The following GNAI1 variants were observed in gnomAD, a reference collection of about 807,000 sequenced individuals.
The protein encoded by GNAI1 is guanine nucleotide-binding protein G(i) subunit alpha-1.
In GNAI1, 11 loss-of-function variants were observed where a neutral mutation model predicts 38.9. The observed-to-expected ratio is 0.28, with a 90% CI of 0.18 to 0.47. The LOEUF (loss-of-function observed/expected upper bound fraction) is 0.47. Ranked by LOEUF, GNAI1 falls within the 20% of genes least tolerant of loss-of-function variation. The probability of loss-of-function intolerance (pLI) is 0.99; values close to 1 mark genes in which losing one functional copy is unlikely to be tolerated. For missense variants in GNAI1, 317 were observed against 436.9 expected (o/e 0.73, Z 2.45); for synonymous variants, 166 against 145.1 (o/e 1.14, Z -1.04).
intron 1 of GNAI1, among the ~76,000 whole-genome samples, chr7:80,149,497 T>C (rs1283520250): frequency 1.3e-5 from 2 of 152,134 alleles, no homozygotes; most frequent in Non-Finnish European, 2.9e-5. Flanking sequence ...CTCATGAGCA[T>C]TGAGTGTTCT....
chr7:80,200,526 G>A (rs1348366967), intron 4 of GNAI1, among the ~76,000 whole-genome samples: 1 of 151,962 alleles, frequency 6.6e-6, no homozygotes, highest in Non-Finnish European at 1.5e-5. Flanking sequence ...ACAGCTGTTG[G>A]CTGTTAGGGA....
At chr7:80,174,270 C>G (rs779737619) in intron 1 of GNAI1, among the ~76,000 whole-genome samples, 1 of 152,018 alleles carries the variant, frequency 6.6e-6, no homozygotes, top group Non-Finnish European at 1.5e-5. Flanking sequence ...AGTATAAACA[C>G]TTTTTTCACT....
At chr7:80,157,812 T>C (rs2714456) in intron 1 of GNAI1, among the ~76,000 whole-genome samples, 9,387 of 152,200 alleles carry the variant, frequency 0.062, 389 homozygotes, top group Non-Finnish European at 0.088. Context: ...ATTCAAACAA[T>C]TCTCCTGCCT....
intron 1 of GNAI1, 57 bp downstream of exon 1, chr7:80,135,335 G>A: frequency 9.7e-7 from 1 of 1,031,936 alleles, no homozygotes; most frequent in Non-Finnish European, 1.3e-6. Flanking sequence ...GCGGCGCTGC[G>A]CGGCCCTCGG....
At position 80,196,740 on chromosome 7, in the gene GNAI1, C is replaced by G. The variant is rs75284893; in HGVS notation, c.304-2485C>G. On this transcript the variant is annotated intron_variant, in intron 3 of 7. Coordinates refer to ENST00000649796, the MANE Select transcript of GNAI1 (RefSeq NM_002069.6). ...CCTGAAAGCTCATCTACAGACACAC[C>G]TGAATGTCCTGGTAATGATGTGGAA... 8.8e-3 allele frequency among the ~76,000 whole-genome samples: 1,332 copies of G among 151,852 alleles called. 67 individuals carry two copies. The East Asian group carries it at 0.15, about 17-fold the overall frequency.
chr7:80,204,086 A>G (rs1240103427), intron 5 of GNAI1, among the ~76,000 whole-genome samples: 1 of 152,130 alleles, frequency 6.6e-6, no homozygotes, highest in African/African-American at 2.4e-5. Context: ...CAGTGATTCA[A>G]ACAAAATAGT....
At chr7:80,163,940 A>G (rs527974848) in intron 1 of GNAI1, among the ~76,000 whole-genome samples, 1 of 140,148 alleles carries the variant, frequency 7.1e-6, no homozygotes, top group South Asian at 2.3e-4. Context: ...TAGTGAATCT[A>G]TGCTGCTTTG....
intron 1 of GNAI1, among the ~76,000 whole-genome samples, chr7:80,147,560 G>A (rs1338384465): frequency 6.6e-6 from 1 of 152,028 alleles, no homozygotes; most frequent in Non-Finnish European, 1.5e-5. Flanking sequence ...TGTTACAGCA[G>A]GCTTCACTGA....
At chr7:80,186,288 C>A (rs750656001) in intron 1 of GNAI1, among the ~76,000 whole-genome samples, 8 of 152,134 alleles carry the variant, frequency 5.3e-5, no homozygotes, top group African/African-American at 1.7e-4. Flanking sequence ...GCCTCAGCCT[C>A]CCAAAGTGCT....
rs1430360040 is a variant in GNAI1, at chr7:80,220,766, C to A, written c.*3273C>A. On this transcript the variant is annotated 3_prime_UTR_variant, in exon 8 of 8. Transcript: ENST00000649796. Reference sequence around the variant, plus strand: ...AAGAGGTTAATTAACTTGAGCAAGACCAGATGAAGGTTTTAAACCTAGAGC... The same window carrying A: ...AAGAGGTTAATTAACTTGAGCAAGAACAGATGAAGGTTTTAAACCTAGAGC... Among the ~76,000 whole-genome samples the A allele has an allele frequency of 6.6e-6, 1 of 152,080 alleles. No homozygotes were observed.
chr7:80,191,686 CA>C (rs1788483248), intron 3 of GNAI1, among the ~76,000 whole-genome samples: 2 of 152,188 alleles, frequency 1.3e-5, no homozygotes, highest in South Asian at 4.1e-4. Context: ...GCCACCACGC[CA>C]AGCCACAAAC....
intron 1 of GNAI1, among the ~76,000 whole-genome samples, chr7:80,173,606 T>A (rs563729312): frequency 6.6e-6 from 1 of 151,848 alleles, no homozygotes; most frequent in East Asian, 1.9e-4. Context: ...AGCAGGTGGG[T>A]GGGAAGGGAG....
At position 80,226,018 on chromosome 7, in the gene GNAI1, G is replaced by C. The variant is rs1223618609; in HGVS notation, c.*8525G>C. ...TGAAATTGTCCAGACACATATTTTA[G>C]AAAAGTATGTTATTTTTGTTTTAAG... On this transcript the variant is annotated 3_prime_UTR_variant, in exon 8 of 8. Coordinates refer to ENST00000649796, the MANE Select transcript of GNAI1 (RefSeq NM_002069.6). Among the ~76,000 whole-genome samples, 5 of 151,982 alleles carry C rather than the reference G, an allele frequency of 3.3e-5. No homozygotes were observed. Among genetic ancestry groups the C allele is most frequent in the African/African-American group, 7.3e-5 (3 of 41,370 alleles).
At chr7:80,150,236 A>G (rs575411789) in intron 1 of GNAI1, among the ~76,000 whole-genome samples, 1 of 152,222 alleles carries the variant, frequency 6.6e-6, no homozygotes, top group African/African-American at 2.4e-5. Flanking sequence ...TTACTACAAC[A>G]TTGTTAGTAA....
intron 7 of GNAI1, among the ~76,000 whole-genome samples, chr7:80,213,658 C>T (rs1489169632): frequency 6.6e-6 from 1 of 152,090 alleles, no homozygotes; most frequent in Non-Finnish European, 1.5e-5. Flanking sequence ...CACCTTATAA[C>T]TTTTTCATTA....
At chr7:80,208,672 C>G (rs750215471) in intron 5 of GNAI1, among the ~76,000 whole-genome samples, 5 of 152,164 alleles carry the variant, frequency 3.3e-5, no homozygotes, top group Non-Finnish European at 7.3e-5. Flanking sequence ...GTCCTCCTTC[C>G]CTGTGCGTCT....
Position 80,221,636 on chromosome 7 carries a change from CTTTTTTT to C in GNAI1, c.*4162_*4168del, listed in dbSNP as rs71518978. Among the ~76,000 whole-genome samples, 555 of 94,344 alleles carry C rather than the reference CTTTTTTT, an allele frequency of 5.9e-3. 2 individuals are homozygous for C. The highest frequency in any genetic ancestry group is 0.022 in the African/African-American group (527 of 24,264). 61.9% of individuals were successfully genotyped at this position (94,344 alleles called of 152,430 possible). ...ATTTTAATGTTAGGTTGGAAATTTTCTTTTTTTTTTTTTTTTTTTTTTTTTGGTATGG... is the reference window on the plus strand; with the variant it reads ...ATTTTAATGTTAGGTTGGAAATTTTCTTTTTTTTTTTTTTTTTTGGTATGG... On this transcript the variant is annotated 3_prime_UTR_variant, in exon 8 of 8. Transcript: ENST00000649796.
chr7:80,135,829 C>T, intron 1 of GNAI1: 1 of 985,254 alleles, frequency 1.0e-6, no homozygotes, highest in Non-Finnish European at 1.2e-6. Context: ...TATGGCGACT[C>T]CTTAAGTGGT....
At chr7:80,192,378 A>G (rs1788497102) in intron 3 of GNAI1, among the ~76,000 whole-genome samples, 1 of 152,170 alleles carries the variant, frequency 6.6e-6, no homozygotes, top group Admixed American at 6.5e-5. Flanking sequence ...CCTAACAGTC[A>G]TTTGTTAAAT....
Sources: gnomAD v4.1 joint callset for allele counts (sites outside exome capture counted in the v4.1 genomes callset) on GRCh38, gnomAD v4.1.1 for gene constraint, MANE v1.5 for transcripts, NCBI Gene and HGNC (gene_info 2026-07-23, HGNC 2026-07-21) for gene names.